Variants in MAP3K13 observed in about 807,000 individuals in gnomAD.
MAP3K13 encodes the protein leucine zipper-bearing kinase.
Under a neutral mutation model 104.0 loss-of-function variants are expected in MAP3K13, and 52 were observed. The observed-to-expected ratio is 0.50, with a 90% CI of 0.40 to 0.63. The LOEUF is 0.63. MAP3K13 is among the 20% of genes least tolerant of loss of function. MAP3K13 has a pLI of 0.00. For missense variants in MAP3K13, 914 were observed against 1,218.5 expected, an observed-to-expected ratio of 0.75 and a Z score of 3.72; for synonymous variants, 394 against 442.2, an observed-to-expected ratio of 0.89 and a Z score of 1.37.
At chr3:185,393,493 C>G (rs192239635) in intron 1 of MAP3K13, among the ~76,000 whole-genome samples, 25 of 147,744 alleles carry the variant, frequency 1.7e-4, no homozygotes, top group African/African-American at 6.0e-4. Context: ...GAGTCTCGCT[C>G]TGTTGTCCAG....
intron 1 of MAP3K13, among the ~76,000 whole-genome samples, chr3:185,395,686 T>C (rs1335505971): frequency 1.3e-5 from 1 of 79,776 alleles, no homozygotes; most frequent in Non-Finnish European, 3.2e-5. Flanking sequence ...TCATCTTTTA[T>C]TTTTATTTTT....
At position 185,418,248 on chromosome 3, in the gene MAP3K13, C is replaced by A; in HGVS notation, c.-85-10249C>A. On this transcript the variant is annotated intron_variant, in intron 1 of 13. Coordinates refer to ENST00000265026, the MANE Select transcript of MAP3K13 (RefSeq NM_004721.5). This position sits in a 1 kb window ranked among gnomAD's most constrained non-coding sequence, Gnocchi z 4.5. ...AGGCATAGACCTTTTCGATATCATT[C>A]CAGGCTTTAAGTTTCTTAAGGAGCA... The A allele has an allele frequency of 1.2e-6, 2 of 1,604,286 alleles. No individual in the cohort carries two copies. The highest frequency in any genetic ancestry group is 2.2e-5 in the South Asian group (2 of 90,854).
At chr3:185,290,930 G>A (rs1034891506) in intron 2 of MAP3K13, among the ~76,000 whole-genome samples, 1 of 152,172 alleles carries the variant, frequency 6.6e-6, no homozygotes, top group African/African-American at 2.4e-5. Context: ...GAGAGGTATG[G>A]AACAGAGGCT....
chr3:185,296,221 G>A (rs1720916137), intron 2 of MAP3K13, among the ~76,000 whole-genome samples: 1 of 152,182 alleles, frequency 6.6e-6, no homozygotes, highest in South Asian at 2.1e-4. Context: ...TCCAGCCTGG[G>A]TAACAGAGCA....
At chr3:185,339,046 G>A (rs189006542) in intron 2 of MAP3K13, among the ~76,000 whole-genome samples, 8 of 152,246 alleles carry the variant, frequency 5.3e-5, no homozygotes, top group East Asian at 1.9e-4. Flanking sequence ...TAGGCTGGGC[G>A]TGGTGGCTGA....
intron 1 of MAP3K13, among the ~76,000 whole-genome samples, chr3:185,395,357 C>CTTTCTTTTTTTTTTTTTTTTTTTT (rs1553798321): frequency 1.4e-5 from 1 of 69,978 alleles, no homozygotes; most frequent in Admixed American, 2.0e-4. Flanking sequence ...AATATTATTT[C>CTTTCTTTTTTTTTTTTTTTTTTTT]TTTTTTTTTT....
chr3:185,341,021 T>C (rs367743718), intron 2 of MAP3K13, among the ~76,000 whole-genome samples: 28 of 98,434 alleles, frequency 2.8e-4, no homozygotes, highest in African/African-American at 9.0e-4. Flanking sequence ...TGTAATACTT[T>C]ATTTCCAAAT....
chr3:185,293,242 C>T (rs1399599614), intron 2 of MAP3K13, among the ~76,000 whole-genome samples: 8 of 152,106 alleles, frequency 5.3e-5, no homozygotes, highest in Admixed American at 2.6e-4. Flanking sequence ...CTCAGCCTCC[C>T]GAGTAGCTGG....
rs1390760421 is a variant in MAP3K13 at position 185,488,056 on chromosome 3, A to G, written c.*5600A>G. On this transcript the variant is annotated 3_prime_UTR_variant, in exon 14 of 14. Coordinates refer to ENST00000265026, the MANE Select transcript of MAP3K13 (RefSeq NM_004721.5). ...CCAATCACTGATGGATCCCATTCCA[A>G]AATGTCTCTTCATTCACATCATTTA... 1 of 152,230 alleles carries G rather than the reference A, an allele frequency of 6.6e-6. No homozygotes were observed. The highest frequency in any genetic ancestry group is 1.5e-5 in the Non-Finnish European group (1 of 68,040). 9.4% of individuals were successfully genotyped at this position (152,230 alleles called of 1,614,324 possible).
intron 1 of MAP3K13, among the ~76,000 whole-genome samples, chr3:185,389,725 A>C (rs1039544823): frequency 6.6e-6 from 1 of 151,984 alleles, no homozygotes; most frequent in East Asian, 1.9e-4. Context: ...AGGACCCCAA[A>C]CCAAAGGGCT....
upstream of MAP3K13, among the ~76,000 whole-genome samples, chr3:185,360,747 C>T (rs1411245761): frequency 1.1e-4 from 16 of 151,722 alleles, no homozygotes; most frequent in Non-Finnish European, 2.1e-4. Flanking sequence ...AGACTACTCC[C>T]ATCCATAGTG....
intron 1 of MAP3K13, among the ~76,000 whole-genome samples, chr3:185,425,791 C>T (rs760752120): frequency 1.8e-4 from 28 of 152,224 alleles, no homozygotes; most frequent in Non-Finnish European, 3.1e-4. Flanking sequence ...ATTAATTCAC[C>T]CCTCAAGACT....
At chr3:185,479,045 G>A (rs1331846218) in intron 12 of MAP3K13, among the ~76,000 whole-genome samples, 1 of 151,956 alleles carries the variant, frequency 6.6e-6, no homozygotes, top group Non-Finnish European at 1.5e-5. Context: ...ATAAACAACG[G>A]GAAGGAACTG....
chr3:185,465,063 C>T (rs1014625092), intron 8 of MAP3K13, among the ~76,000 whole-genome samples: 12 of 152,190 alleles, frequency 7.9e-5, no homozygotes, highest in African/African-American at 2.9e-4. Flanking sequence ...CTCACTGCAA[C>T]CTCCACCTCC....
rs376000207 is a variant in MAP3K13 at position 185,437,582 on chromosome 3, A to T, written c.611A>T (p.Asp204Val). 5.0e-6 allele frequency: 8 copies of T among 1,613,546 alleles called. No homozygotes were observed. Among genetic ancestry groups the T allele is most frequent in the Non-Finnish European group, 5.9e-6 (7 of 1,179,916 alleles). ...AAAGTGAGAGAACAGAATGAGACGG[A>T]TATCAAGCATTTGAGGAAGTTGAAG... is the stretch of plus-strand genomic sequence containing the variant. Reference protein sequence around the residue: ...IKKVREQNETDIKHLRKLKHP... With the variant: ...IKKVREQNETVIKHLRKLKHP... Residue 204 changes from aspartate to valine, a missense_variant, in exon 3 of 14, where the codon GAT becomes GTT. Physicochemically the swap from Asp to Val is radical, Grantham distance 152. This residue lies in a region of MAP3K13 where 175 missense variants were observed against 321.3 expected (regional missense o/e 0.54). Transcript: ENST00000265026.
At chr3:185,322,933 C>G (rs1469695590) in intron 2 of MAP3K13, among the ~76,000 whole-genome samples, 2 of 152,106 alleles carry the variant, frequency 1.3e-5, no homozygotes, top group African/African-American at 4.8e-5. Context: ...CACCTCATGC[C>G]AAGATTACTT....
chr3:185,340,163 A>C (rs1428473186), intron 2 of MAP3K13, among the ~76,000 whole-genome samples: 1 of 152,192 alleles, frequency 6.6e-6, no homozygotes, highest in Non-Finnish European at 1.5e-5. Context: ...TGAGCACGAG[A>C]TTATGAGTTT....
At position 185,437,597 on chromosome 3, in the gene MAP3K13, G is replaced by T; in HGVS notation, c.626G>T (p.Arg209Met). The change falls in exon 3 of 14, where the codon AGG (arginine) becomes ATG (methionine). Residue 209 changes from arginine to methionine, a missense_variant. By Grantham distance (91) the Arg-to-Met change is moderately conservative. Coordinates refer to ENST00000265026, the MANE Select transcript of MAP3K13 (RefSeq NM_004721.5). ...AATGAGACGGATATCAAGCATTTGA[G>T]GAAGTTGAAGCACCCTAACATCATC... ...EQNETDIKHL[R>M]KLKHPNIIAF... 6.2e-7 allele frequency: 1 copy of T among 1,613,650 alleles called. No individual in the cohort carries two copies. Among genetic ancestry groups the T allele is most frequent in the Non-Finnish European group, 8.5e-7 (1 of 1,179,852 alleles).
At position 185,473,074 on chromosome 3, in the gene MAP3K13, G is replaced by C; in HGVS notation, c.1743G>C (p.Lys581Asn). 6.2e-7 allele frequency: 1 copy of C among 1,614,180 alleles called. No homozygotes were observed. Among genetic ancestry groups the C allele is most frequent in the Non-Finnish European group, 8.5e-7 (1 of 1,180,044 alleles). Reference sequence around the variant, plus strand: ...CCAAAATGTCCACTTCTAGCAGCAAGAGCCGATATCGAAGCAAACCACGCC... The same window carrying C: ...CCAAAATGTCCACTTCTAGCAGCAACAGCCGATATCGAAGCAAACCACGCC... ...GSPKMSTSSS[K>N]SRYRSKPRHR... Residue 581 changes from lysine (K) to asparagine (N), a missense_variant, in exon 11 of 14, where the codon AAG becomes AAC. Coordinates refer to ENST00000265026, the MANE Select transcript of MAP3K13 (RefSeq NM_004721.5). This position sits in a 1 kb window ranked among gnomAD's most constrained non-coding sequence, Gnocchi z 4.9.
Sources: allele counts gnomAD v4.1 joint callset (sites outside exome capture counted in the v4.1 genomes callset), GRCh38; gene constraint gnomAD v4.1.1; regional missense constraint gnomAD v4.1.1; non-coding constraint Gnocchi (gnomAD v3.1); transcripts MANE v1.5; gene names NCBI Gene and HGNC (gene_info 2026-07-23, HGNC 2026-07-21).